CYB5R4: variants seen among roughly 807,000 people sequenced by gnomAD.
CYB5R4 encodes cytochrome b5 reductase 4.
A neutral mutation model predicts 70.2 loss-of-function variants in CYB5R4; 55 were observed. The ratio of observed to expected loss-of-function variants is 0.78; its 90% CI spans 0.63 to 0.98. The LOEUF (loss-of-function observed/expected upper bound fraction) is 0.98, where lower values mean the gene tolerates loss of function less well. Ranked by LOEUF, CYB5R4 falls within the 50% of genes least tolerant of loss-of-function variation. The probability of loss-of-function intolerance (pLI) is 0.00; values close to 1 mark genes in which losing one functional copy is unlikely to be tolerated. For missense variants in CYB5R4, 562 were observed against 612.6 expected (o/e 0.92, Z 0.87); for synonymous variants, 197 against 199.5 (o/e 0.99, Z 0.11).
rs540298274 is a variant in CYB5R4, at chr6:83,955,608, C to T, written c.1511+146C>T. On this transcript the variant is annotated intron_variant, in intron 15 of 15. Coordinates refer to ENST00000369681, the MANE Select transcript of CYB5R4 (RefSeq NM_016230.4). ...GAAAATAACAAAGTCTTTAAATCTT[C>T]GTATAGTTTGAGTTGGAGGCCAGGA... 4.5e-5 allele frequency: 36 copies of T among 795,056 alleles called. No homozygotes were observed. The East Asian group carries it at 6.9e-4, about 15-fold the overall frequency. The allele number at this position is 795,056 out of a possible 1,614,324, so 49.3% of individuals were successfully genotyped here.
chr6:83,919,418 C>T lies in CYB5R4; in HGVS notation c.528C>T (p.Asp176=). The change falls in exon 7 of 16, where the codon GAC becomes GAT. Residue 176 remains aspartate (D), a synonymous_variant. Coordinates refer to ENST00000369681, the MANE Select transcript of CYB5R4 (RefSeq NM_016230.4). ...ACAGCTATGATTGGTTCCAAACAGACTCTTTAGTCACCATTGCCATATATA... is the reference window on the plus strand; with the variant it reads ...ACAGCTATGATTGGTTCCAAACAGATTCTTTAGTCACCATTGCCATATATA... ...SYPSYDWFQT[D]SLVTIAIYTK... The T allele has an allele frequency of 6.6e-7, 1 of 1,519,738 alleles. No individual in the cohort carries two copies. Among genetic ancestry groups the T allele is most frequent in the Non-Finnish European group, 9.0e-7 (1 of 1,114,940 alleles). The allele number at this position is 1,519,738 out of a possible 1,614,324, so 94.1% of individuals were successfully genotyped here. A position where few individuals can be genotyped will look rare whatever the true frequency, so the allele number is the denominator to read the frequency against.
chr6:83,907,403 G>A (rs2099463969), intron 3 of CYB5R4, among the ~76,000 whole-genome samples: 1 of 151,864 alleles, frequency 6.6e-6, no homozygotes, highest in Non-Finnish European at 1.5e-5. Flanking sequence ...GAAAATAACT[G>A]TTAAATATCT....
At chr6:83,890,834 C>T (rs191409105) in intron 2 of CYB5R4, among the ~76,000 whole-genome samples, 1 of 152,202 alleles carries the variant, frequency 6.6e-6, no homozygotes, top group Non-Finnish European at 1.5e-5. Flanking sequence ...TCAGTTAAGG[C>T]TCAGATGATA....
At chr6:83,945,389 A>G (rs1421462534) in intron 14 of CYB5R4, among the ~76,000 whole-genome samples, 1 of 152,224 alleles carries the variant, frequency 6.6e-6, no homozygotes, top group Non-Finnish European at 1.5e-5. Context: ...CAAAGACACA[A>G]CGTACCAGAA....
chr6:83,905,625 G>A (rs1165251192), intron 3 of CYB5R4, among the ~76,000 whole-genome samples: 2 of 152,072 alleles, frequency 1.3e-5, no homozygotes, highest in African/African-American at 4.8e-5. Flanking sequence ...AATGGGCTAA[G>A]TGTGTCTGTC....
At chr6:83,909,617 C>G (rs919882734) in intron 4 of CYB5R4, among the ~76,000 whole-genome samples, 11 of 152,112 alleles carry the variant, frequency 7.2e-5, no homozygotes, top group Admixed American at 2.0e-4. Flanking sequence ...TTGTATCTTA[C>G]TAAAAACTAC....
At position 83,909,094 on chromosome 6, in the gene CYB5R4, A is replaced by G. The variant is rs750134249; in HGVS notation, c.412+4A>G. 9 of 1,613,356 alleles carry G rather than the reference A, an allele frequency of 5.6e-6. No homozygotes were observed. The highest frequency in any genetic ancestry group is 7.6e-6 in the Non-Finnish European group (9 of 1,179,378). On this transcript the variant is annotated splice_donor_region_variant and intron_variant, in intron 4 of 15. Transcript: ENST00000369681. ...ATTAAACCTGCTGTTCTGAAAGGTA[A>G]GTGGTGCTGGTGCTAAACCAGCATG...
At chr6:83,899,178 T>C (rs1204127430) in intron 3 of CYB5R4, among the ~76,000 whole-genome samples, 1 of 152,164 alleles carries the variant, frequency 6.6e-6, no homozygotes, top group South Asian at 2.1e-4. Flanking sequence ...GCATGAAGCA[T>C]TGTTGAATTT....
chr6:83,864,547 A>T lies in CYB5R4; in HGVS notation c.229+219A>T, dbSNP rs898667875. Among the ~76,000 whole-genome samples, 3 of 152,248 alleles carry T rather than the reference A, an allele frequency of 2.0e-5. No individual in the cohort carries two copies. In the East Asian group the frequency reaches 5.8e-4, roughly 29 times the overall value. ...GAAAACAGTGAACTTCTGATACGAAAAAGTTTTTCTTGCTTCCTTGTACTG... is the reference window on the plus strand; with the variant it reads ...GAAAACAGTGAACTTCTGATACGAATAAGTTTTTCTTGCTTCCTTGTACTG... On this transcript the variant is annotated intron_variant, in intron 2 of 15. Transcript: ENST00000369681.
rs2099466315 is a variant in CYB5R4, at chr6:83,921,149, A to C, written c.632A>C (p.Lys211Thr). 1 of 1,524,560 alleles carries C rather than the reference A, an allele frequency of 6.6e-7. No individual in the cohort carries two copies. 94.4% of individuals were successfully genotyped at this position (1,524,560 alleles called of 1,614,324 possible). Residue 211 changes from lysine to threonine, a missense_variant, in exon 8 of 16, where the codon AAG becomes ACG. Lys to Thr is a moderately conservative substitution (Grantham distance 78). Coordinates refer to ENST00000369681, the MANE Select transcript of CYB5R4 (RefSeq NM_016230.4). ...NDSFRAETIIKDCLYLIHIGL... is the reference protein window; with the variant it reads ...NDSFRAETIITDCLYLIHIGL... ...TCCTTTAGAGCAGAAACAATTATTA[A>C]GGATTGTTTATATCTTATACATATT...
intron 2 of CYB5R4, among the ~76,000 whole-genome samples, chr6:83,868,675 T>C (rs2099457108): frequency 6.6e-6 from 1 of 152,226 alleles, no homozygotes; most frequent in Non-Finnish European, 1.5e-5. Context: ...TTCTCTCTTG[T>C]TTCTCCCTCT....
At position 83,959,830 on chromosome 6, in the gene CYB5R4, G is replaced by T; in HGVS notation, c.1518G>T (p.Leu506=). The T allele has an allele frequency of 6.3e-7, 1 of 1,599,436 alleles. No homozygotes were observed. Among genetic ancestry groups the T allele is most frequent in the Non-Finnish European group, 8.5e-7 (1 of 1,173,372 alleles). The change falls in exon 16 of 16, where the codon CTG becomes CTT. Residue 506 remains leucine (L), a synonymous_variant. Coordinates refer to ENST00000369681, the MANE Select transcript of CYB5R4 (RefSeq NM_016230.4). The stretch of plus-strand genomic sequence containing the variant: ...CTTTTTATTTGTTTTTCAGGTTGCT[G>T]CATGATCTCAACTTTTCCAAAAATG... ...VPFTEQGVRL[L]HDLNFSKNEI...
chr6:83,894,926 A>C (rs1300194433), intron 3 of CYB5R4, among the ~76,000 whole-genome samples: 1 of 151,964 alleles, frequency 6.6e-6, no homozygotes, highest in Non-Finnish European at 1.5e-5. Flanking sequence ...CCCATATGTA[A>C]ATGGACTCGG....
intron 9 of CYB5R4, among the ~76,000 whole-genome samples, chr6:83,923,913 A>T (rs989140470): frequency 5.3e-5 from 8 of 151,536 alleles, no homozygotes; most frequent in Non-Finnish European, 1.0e-4. Flanking sequence ...AAAATAAAAA[A>T]AAAAAAATTA....
At chr6:83,859,923 C>T (rs1272939530) in intron 1 of CYB5R4, 66 bp downstream of exon 1, 4 of 1,445,612 alleles carry the variant, frequency 2.8e-6, no homozygotes, top group Admixed American at 2.1e-5. Context: ...GTGTTCTCTT[C>T]TTCCGCCCCA....
chr6:83,883,130 A>G (rs970673260), intron 2 of CYB5R4, among the ~76,000 whole-genome samples: 3 of 152,218 alleles, frequency 2.0e-5, no homozygotes, highest in African/African-American at 7.2e-5. Flanking sequence ...GGCAACATAG[A>G]CAAGACTTAA....
chr6:83,955,183 G>A, intron 14 of CYB5R4, 115 bp from the exon 15 acceptor site: 1 of 775,568 alleles, frequency 1.3e-6, no homozygotes, highest in East Asian at 2.9e-5. Context: ...GCAAGTAAGT[G>A]TATCTTTATA....
At chr6:83,947,745 A>G (rs1392933442) in intron 14 of CYB5R4, among the ~76,000 whole-genome samples, 1 of 152,192 alleles carries the variant, frequency 6.6e-6, no homozygotes, top group Non-Finnish European at 1.5e-5. Context: ...ATCAACAGAC[A>G]CTTTCCAATA....
intron 2 of CYB5R4, among the ~76,000 whole-genome samples, chr6:83,870,953 C>T (rs982367236): frequency 3.4e-5 from 5 of 149,228 alleles, no homozygotes; most frequent in African/African-American, 1.2e-4. Context: ...TGGTACATGT[C>T]CCTTCTTTCA....
Sources: gnomAD v4.1 joint callset for allele counts (sites outside exome capture counted in the v4.1 genomes callset) on GRCh38, gnomAD v4.1.1 for gene constraint, MANE v1.5 for transcripts, NCBI Gene and HGNC (gene_info 2026-07-23, HGNC 2026-07-21) for gene names.